Variants in UTRN observed in about 807,000 individuals in gnomAD.
UTRN encodes the protein utrophin, also known as dystrophin-related protein 1.
A neutral mutation model predicts 463.9 loss-of-function variants in UTRN; 283 were observed. The ratio of observed to expected loss-of-function variants is 0.61; its 90% CI spans 0.55 to 0.67. The LOEUF is 0.67. Ranked by LOEUF, UTRN falls within the 30% of genes least tolerant of loss-of-function variation. The pLI, the probability that UTRN is intolerant of heterozygous loss-of-function variation, is 0.00. For synonymous variants in UTRN, 1,442 were observed against 1,431.5 expected, an observed-to-expected ratio of 1.01 and a Z score of -0.17; for missense variants, 3,922 against 4,084.3, an observed-to-expected ratio of 0.96 and a Z score of 1.08.
At chr6:144,391,885 C>T (rs1781968823) in intron 2 of UTRN, among the ~76,000 whole-genome samples, 1 of 152,144 alleles carries the variant, frequency 6.6e-6, no homozygotes, top group South Asian at 2.1e-4. Flanking sequence ...CGTGATCTGC[C>T]CTCCTTGGCC....
At chr6:144,848,447 G>T (rs1782209261) in intron 74 of UTRN, among the ~76,000 whole-genome samples, 2 of 152,128 alleles carry the variant, frequency 1.3e-5, no homozygotes, top group Non-Finnish European at 2.9e-5. Flanking sequence ...TATAATGATT[G>T]AACCAGATGC....
At chr6:144,424,629 G>GA (rs530024526) in intron 6 of UTRN, among the ~76,000 whole-genome samples, 27 of 151,928 alleles carry the variant, frequency 1.8e-4, no homozygotes, top group Admixed American at 1.8e-3. Context: ...CTGGCATAGG[G>GA]AAAAAAGTAC....
At chr6:144,527,756 T>G (rs1469069679) in intron 41 of UTRN, among the ~76,000 whole-genome samples, 1 of 152,232 alleles carries the variant, frequency 6.6e-6, no homozygotes, top group Admixed American at 6.5e-5. Flanking sequence ...CTCTGAGGTT[T>G]CTTCTACTTG....
At position 144,668,047 on chromosome 6, in the gene UTRN, G is replaced by T. The variant is rs77145705; in HGVS notation, c.7480-10359G>T. ...GTCAGATAACCTCAGAGATCAATGG[G>T]TTTGCAAATTTGGACCATAAATCTT... On this transcript the variant is annotated intron_variant, in intron 51 of 74. Coordinates refer to ENST00000367545, the MANE Select transcript of UTRN (RefSeq NM_007124.3). Among the ~76,000 whole-genome samples, 392 of 152,246 alleles carry T rather than the reference G, an allele frequency of 2.6e-3. 14 individuals carry two copies. The East Asian group carries it at 0.055, about 22-fold the overall frequency.
chr6:144,308,672 A>C (rs922004401), intron 2 of UTRN, among the ~76,000 whole-genome samples: 2 of 152,030 alleles, frequency 1.3e-5, no homozygotes, highest in Admixed American at 6.5e-5. Context: ...ATCTATCCTC[A>C]ACCAGAACCC....
At chr6:144,361,541 C>A (rs189806948) in intron 2 of UTRN, among the ~76,000 whole-genome samples, 1 of 151,904 alleles carries the variant, frequency 6.6e-6, no homozygotes, top group African/African-American at 2.4e-5. Flanking sequence ...AGGGGCATTG[C>A]GGGGCTGATA....
At chr6:144,442,180 C>G (rs1787247652) in intron 13 of UTRN, among the ~76,000 whole-genome samples, 1 of 152,150 alleles carries the variant, frequency 6.6e-6, no homozygotes, top group South Asian at 2.1e-4. Context: ...ATGAGATTTT[C>G]TTTTCTATTG....
chr6:144,363,531 A>G (rs1182934717), intron 2 of UTRN, among the ~76,000 whole-genome samples: 1 of 152,210 alleles, frequency 6.6e-6, no homozygotes, highest in African/African-American at 2.4e-5. Flanking sequence ...GTTGGTAGGA[A>G]TTTGTGCAGT....
At chr6:144,516,117 A>C in intron 37 of UTRN, 112 bp from the exon 38 acceptor site, 1 of 1,083,624 alleles carries the variant, frequency 9.2e-7, no homozygotes, top group Non-Finnish European at 1.3e-6. Flanking sequence ...TGAGCTGAAT[A>C]GAAAAGTCAG....
chr6:144,826,903 C>T (rs763817251), intron 66 of UTRN, among the ~76,000 whole-genome samples: 2 of 152,054 alleles, frequency 1.3e-5, no homozygotes, highest in Non-Finnish European at 2.9e-5. Context: ...TTTTATTGCA[C>T]CTCTGCCATC....
In UTRN at chr6:144,495,330, G is replaced by A. The variant is rs531168870; in HGVS notation, c.4593+1874G>A. Among the ~76,000 whole-genome samples the A allele has an allele frequency of 5.0e-3, 766 of 152,342 alleles. 4 individuals are homozygous for A. The highest frequency in any genetic ancestry group is 0.018 in the African/African-American group (733 of 41,578). The stretch of plus-strand genomic sequence containing the variant: ...GCTAAGGCCCGGTGAGAAATTGAGC[G>A]CAGCGCCGGTGGGCTGGCACTGCTG... On this transcript the variant is annotated intron_variant, in intron 33 of 74. Coordinates refer to ENST00000367545, the MANE Select transcript of UTRN (RefSeq NM_007124.3).
intron 2 of UTRN, among the ~76,000 whole-genome samples, chr6:144,358,138 A>C (rs1372303075): frequency 6.6e-6 from 1 of 152,260 alleles, no homozygotes; most frequent in Non-Finnish European, 1.5e-5. Context: ...ATTAGACTAT[A>C]TGGTAGTCCA....
intron 74 of UTRN, among the ~76,000 whole-genome samples, chr6:144,849,151 G>A (rs1206548383): frequency 6.6e-6 from 1 of 152,110 alleles, no homozygotes; most frequent in African/African-American, 2.4e-5. Context: ...CAGGCCACAT[G>A]ACCTATAGGA....
chr6:144,470,013 T>C (rs1435122974), intron 23 of UTRN, among the ~76,000 whole-genome samples: 1 of 151,984 alleles, frequency 6.6e-6, no homozygotes, highest in Non-Finnish European at 1.5e-5. Flanking sequence ...GAGCACGGGG[T>C]TGGGGGCAAG....
At chr6:144,600,919 C>A (rs140521499) in intron 51 of UTRN, among the ~76,000 whole-genome samples, 2 of 152,142 alleles carry the variant, frequency 1.3e-5, no homozygotes, top group South Asian at 4.1e-4. Context: ...CCATTGCTCA[C>A]CTACCATTCC....
chr6:144,626,355 C>G (rs1562669185), intron 51 of UTRN, among the ~76,000 whole-genome samples: 1 of 152,192 alleles, frequency 6.6e-6, no homozygotes, highest in Non-Finnish European at 1.5e-5. Flanking sequence ...AAGTATCACT[C>G]CAATCTCCTT....
chr6:144,291,953 G>T, intron 2 of UTRN, 46 bp downstream of exon 2: 1 of 1,568,602 alleles, frequency 6.4e-7, no homozygotes, highest in South Asian at 1.2e-5. Context: ...TATGTATTTA[G>T]AAAACCTATG....
intron 50 of UTRN, among the ~76,000 whole-genome samples, chr6:144,566,474 A>G (rs540372216): frequency 4.9e-4 from 75 of 152,282 alleles, no homozygotes; most frequent in South Asian, 8.3e-4. Flanking sequence ...AGAAAGATGG[A>G]GCAGGGAAGA....
At chr6:144,408,337 A>G (rs1783602360) in intron 3 of UTRN, among the ~76,000 whole-genome samples, 1 of 152,220 alleles carries the variant, frequency 6.6e-6, no homozygotes. Flanking sequence ...GGGAGGCAGC[A>G]AAGGCCTCAT....
Sources: allele counts gnomAD v4.1 joint callset (sites outside exome capture counted in the v4.1 genomes callset), GRCh38; gene constraint gnomAD v4.1.1; transcripts MANE v1.5; gene names NCBI Gene and HGNC (gene_info 2026-07-23, HGNC 2026-07-21).